GABRG3: variants seen among roughly 807,000 people sequenced by gnomAD.
GABRG3 encodes the protein gamma-aminobutyric acid receptor subunit gamma-3.
In GABRG3, 25 loss-of-function variants were observed where a neutral mutation model predicts 48.8. The observed-to-expected ratio is 0.51, with a 90% confidence interval of 0.37 to 0.72. GABRG3 has a LOEUF of 0.72. Ranked by LOEUF, GABRG3 falls within the 30% of genes least tolerant of loss-of-function variation. The pLI is 0.00. For missense variants in GABRG3, 394 were observed against 577.9 expected (o/e 0.68, Z 3.26); for synonymous variants, 227 against 217.6 (o/e 1.04, Z -0.38).
rs192603717 is a variant in GABRG3, at chr15:27,252,283, G to A, written c.271-74526G>A. Among the ~76,000 whole-genome samples the A allele has an allele frequency of 1.1e-3, 160 of 152,308 alleles. 1 individual carries two copies. The highest frequency in any genetic ancestry group is 3.7e-3 in the African/African-American group (153 of 41,570). ...ATGATGCCCTGTCCGAGGAGTTGCA[G>A]TCAGAACTGGCCCCCGGTGTCTGGC... On this transcript the variant is annotated intron_variant, in intron 3 of 9. Transcript: ENST00000615808.
intron 3 of GABRG3, among the ~76,000 whole-genome samples, chr15:27,075,648 CAA>C (rs890431932): frequency 6.6e-6 from 1 of 152,186 alleles, no homozygotes; most frequent in African/African-American, 2.4e-5. Flanking sequence ...AGGAGATGTT[CAA>C]AGTCATATCA....
chr15:27,025,024 CAAAAAAA>C (rs34897569), intron 2 of GABRG3, among the ~76,000 whole-genome samples: 1 of 91,636 alleles, frequency 1.1e-5, no homozygotes, highest in African/African-American at 4.4e-5. Flanking sequence ...GACCCTGTCT[CAAAAAAA>C]AAAAAAAAAA....
chr15:27,432,449 A>G (rs1888485166), intron 5 of GABRG3, among the ~76,000 whole-genome samples: 1 of 152,040 alleles, frequency 6.6e-6, no homozygotes, highest in Non-Finnish European at 1.5e-5. Flanking sequence ...GGTGCTCTTT[A>G]TTTCTCTCTG....
intron 3 of GABRG3, among the ~76,000 whole-genome samples, chr15:27,097,999 A>G (rs79083966): frequency 6.6e-6 from 1 of 151,806 alleles, no homozygotes; most frequent in African/African-American, 2.4e-5. Flanking sequence ...AAAAAAAAAA[A>G]GAAACTGTAA....
At chr15:27,421,306 C>T (rs1001687145) in intron 5 of GABRG3, among the ~76,000 whole-genome samples, 3 of 152,246 alleles carry the variant, frequency 2.0e-5, no homozygotes, top group East Asian at 3.8e-4. Flanking sequence ...CAGTCTTCAT[C>T]TCATTCTGTT....
Position 27,062,461 on chromosome 15 carries a change from A to G in GABRG3, c.270+35640A>G, listed in dbSNP as rs1595500854. On this transcript the variant is annotated intron_variant, in intron 3 of 9. Coordinates refer to ENST00000615808, the MANE Select transcript of GABRG3 (RefSeq NM_033223.5). ...AAAAAAAAAAAAAAAAAAAAAAATT[A>G]GCCTTGCATGATGGCAGGTGCCTGT... Among the ~76,000 whole-genome samples the G allele has an allele frequency of 2.5e-4, 35 of 137,452 alleles. No individual in the cohort carries two copies. In the South Asian group the frequency reaches 7.7e-3, roughly 30 times the overall value. The allele number at this position is 137,452 out of a possible 152,430, so 90.2% of individuals were successfully genotyped here.
At chr15:27,476,140 T>A (rs993001265) in intron 5 of GABRG3, among the ~76,000 whole-genome samples, 1 of 152,106 alleles carries the variant, frequency 6.6e-6, no homozygotes, top group Non-Finnish European at 1.5e-5. Context: ...GGAAAGTCAC[T>A]TAGCAAATAA....
chr15:27,494,867 A>C (rs539226313), intron 6 of GABRG3, among the ~76,000 whole-genome samples: 1 of 151,894 alleles, frequency 6.6e-6, no homozygotes, highest in South Asian at 2.1e-4. Context: ...CCCTGATTCT[A>C]CTTGATTTGG....
intron 3 of GABRG3, among the ~76,000 whole-genome samples, chr15:27,305,362 T>A (rs1892363068): frequency 6.6e-6 from 1 of 151,124 alleles, no homozygotes; most frequent in African/African-American, 2.4e-5. Context: ...TAAAAGATAT[T>A]TGAAAAATAA....
intron 3 of GABRG3, among the ~76,000 whole-genome samples, chr15:27,109,836 C>A (rs775731359): frequency 6.6e-6 from 1 of 152,082 alleles, no homozygotes; most frequent in Non-Finnish European, 1.5e-5. Flanking sequence ...GAGTGGAGAT[C>A]GCGCCACTGC....
At chr15:27,178,640 T>A (rs546874978) in intron 3 of GABRG3, among the ~76,000 whole-genome samples, 1 of 152,270 alleles carries the variant, frequency 6.6e-6, no homozygotes, top group South Asian at 2.1e-4. Context: ...AGATTGTCTG[T>A]TTTTATAATT....
intron 5 of GABRG3, among the ~76,000 whole-genome samples, chr15:27,376,366 G>A (rs925809585): frequency 6.6e-6 from 1 of 152,178 alleles, no homozygotes; most frequent in Non-Finnish European, 1.5e-5. Context: ...GAGGACCATG[G>A]CCCTCTTCTC....
At chr15:27,280,084 A>AT (rs1891385734) in intron 3 of GABRG3, among the ~76,000 whole-genome samples, 1 of 151,764 alleles carries the variant, frequency 6.6e-6, no homozygotes, top group Admixed American at 6.6e-5. Context: ...ATTTTTTTTA[A>AT]TTAGTTCATT....
intron 5 of GABRG3, among the ~76,000 whole-genome samples, chr15:27,417,388 A>T (rs1286650051): frequency 6.6e-6 from 1 of 152,192 alleles, no homozygotes; most frequent in Admixed American, 6.5e-5. Flanking sequence ...CCTCTAGGTG[A>T]CTGATGGCTC....
chr15:27,052,604 CA>C (rs1896474618), intron 3 of GABRG3, among the ~76,000 whole-genome samples: 1 of 152,038 alleles, frequency 6.6e-6, no homozygotes, highest in Non-Finnish European at 1.5e-5. Flanking sequence ...TCAAGACAAA[CA>C]AAAATAAATG....
chr15:27,308,704 A>C (rs376422234), intron 3 of GABRG3, among the ~76,000 whole-genome samples: 1 of 149,748 alleles, frequency 6.7e-6, no homozygotes, highest in Non-Finnish European at 1.5e-5. Context: ...TAATGTAAAC[A>C]TACGTTTATA....
intron 3 of GABRG3, among the ~76,000 whole-genome samples, chr15:27,077,272 C>T (rs540543636): frequency 3.9e-5 from 6 of 152,260 alleles, no homozygotes; most frequent in Non-Finnish European, 7.3e-5. Flanking sequence ...ATTAGCAGAG[C>T]GGTTCCAACC....
intron 6 of GABRG3, chr15:27,481,015 G>A: frequency 2.2e-6 from 3 of 1,360,072 alleles, no homozygotes; most frequent in South Asian, 4.2e-5. Flanking sequence ...TTTGCATAAT[G>A]TCTATAAACC....
chr15:27,095,528 C>T (rs986055093), intron 3 of GABRG3, among the ~76,000 whole-genome samples: 2 of 152,032 alleles, frequency 1.3e-5, no homozygotes, highest in Admixed American at 6.6e-5. Flanking sequence ...ACTTCTTCCT[C>T]GTGGCGTTAC....
Sources: allele counts gnomAD v4.1 joint callset (sites outside exome capture counted in the v4.1 genomes callset), GRCh38; gene constraint gnomAD v4.1.1; transcripts MANE v1.5; gene names NCBI Gene and HGNC (gene_info 2026-07-23, HGNC 2026-07-21).